COL28A1: variants seen among roughly 807,000 people sequenced by gnomAD.
The protein encoded by COL28A1 is collagen alpha-1(XXVIII) chain.
Under a neutral mutation model 150.2 loss-of-function variants are expected in COL28A1, and 161 were observed. The observed-to-expected ratio is 1.07, with a 90% CI of 0.94 to 1.22. The LOEUF is 1.22. Among genes scored for constraint, COL28A1 ranks in the 50% most tolerant of loss-of-function variants. The probability of loss-of-function intolerance (pLI) is 0.00; values close to 1 mark genes in which losing one functional copy is unlikely to be tolerated. For synonymous variants in COL28A1, 552 were observed against 469.7 expected (o/e 1.18, Z -2.26); for missense variants, 1,617 against 1,388.3 (o/e 1.16, Z -2.62).
chr7:7,480,587 A>T (rs1273195012), intron 13 of COL28A1, among the ~76,000 whole-genome samples: 2 of 151,884 alleles, frequency 1.3e-5, no homozygotes, highest in African/African-American at 4.8e-5. Flanking sequence ...ACACTGACAA[A>T]TTATTTTTTC....
chr7:7,362,592 A>G (rs998959267), intron 33 of COL28A1, among the ~76,000 whole-genome samples: 3 of 117,748 alleles, frequency 2.5e-5, no homozygotes, highest in Non-Finnish European at 5.3e-5. Flanking sequence ...TTAAATTACT[A>G]TCAGGTGACT....
downstream of COL28A1, among the ~76,000 whole-genome samples, chr7:7,355,412 C>G (rs1419290794): frequency 1.3e-5 from 2 of 152,040 alleles, no homozygotes; most frequent in African/African-American, 4.8e-5. Flanking sequence ...GAGTTCAAGA[C>G]CAGCCCGGAC....
chr7:7,444,230 A>G (rs1376604627), intron 19 of COL28A1, among the ~76,000 whole-genome samples, 188 bp downstream of exon 19: 1 of 152,122 alleles, frequency 6.6e-6, no homozygotes, highest in Admixed American at 6.5e-5. Flanking sequence ...GTGAGACACT[A>G]TCTCAGCCTT....
Position 7,370,796 on chromosome 7 carries a change from G to A in COL28A1, c.2995C>T (p.Pro999Ser), listed in dbSNP as rs1423039137. The change falls in exon 33 of 35, where the codon CCT becomes TCT. Residue 999 changes from proline (P) to serine (S), a missense_variant. Pro to Ser is a moderately conservative substitution (Grantham distance 74, BLOSUM62 -1). Coordinates refer to ENST00000399429, the MANE Select transcript of COL28A1 (RefSeq NM_001037763.3). ...VQIFGSSSPQ[P>S]GFGMSGEELS... ...TCTTCCCCTGACATCCCAAATCCAG[G>A]TTGAGGTGACGATGAACCAAAAATT... 2 of 1,613,594 alleles carry A rather than the reference G, an allele frequency of 1.2e-6. No individual in the cohort carries two copies. The highest frequency in any genetic ancestry group is 1.7e-5 in the Admixed American group (1 of 59,992).
At chr7:7,370,302 C>G (rs557998210) in intron 33 of COL28A1, among the ~76,000 whole-genome samples, 1 of 152,122 alleles carries the variant, frequency 6.6e-6, no homozygotes, top group African/African-American at 2.4e-5. Context: ...TGGGCATATG[C>G]GTATTTAGAA....
chr7:7,339,635 C>G, the COL28A1 span, among the ~76,000 whole-genome samples: 1 of 152,078 alleles, frequency 6.6e-6, no homozygotes, highest in Non-Finnish European at 1.5e-5. Context: ...AGATCTCATT[C>G]ATTCATTTTC....
At chr7:7,361,365 G>C (rs1395831075) in intron 33 of COL28A1, among the ~76,000 whole-genome samples, 1 of 152,164 alleles carries the variant, frequency 6.6e-6, no homozygotes, top group Non-Finnish European at 1.5e-5. Context: ...CCAGTAATGG[G>C]ACTGCTGGGT....
intron 8 of COL28A1, chr7:7,511,613 A>AT (rs1051495757): frequency 6.2e-6 from 2 of 320,972 alleles, no homozygotes; most frequent in African/African-American, 4.5e-5. Flanking sequence ...TGGAATTCCT[A>AT]TTTTTTCAAG....
At chr7:7,339,461 G>A in the COL28A1 span, among the ~76,000 whole-genome samples, 7 of 152,024 alleles carry the variant, frequency 4.6e-5, no homozygotes, top group East Asian at 1.4e-3. Flanking sequence ...CTCCTGTTTT[G>A]GCTTTCGTGC....
chr7:7,374,038 A>AAAAAAAAAAAATATAT, intron 31 of COL28A1, among the ~76,000 whole-genome samples: 2 of 113,654 alleles, frequency 1.8e-5, no homozygotes, highest in African/African-American at 7.6e-5. Flanking sequence ...AAAAAAAAAA[A>AAAAAAAAAAAATATAT]ATATATATAT....
At chr7:7,410,874 G>A (rs1783752407) in intron 27 of COL28A1, among the ~76,000 whole-genome samples, 2 of 152,010 alleles carry the variant, frequency 1.3e-5, no homozygotes, top group Admixed American at 1.3e-4. Context: ...ACCCATCTCT[G>A]ACTTTTTTAA....
chr7:7,518,683 T>C (rs1781548949), intron 6 of COL28A1, among the ~76,000 whole-genome samples: 1 of 152,196 alleles, frequency 6.6e-6, no homozygotes, highest in South Asian at 2.1e-4. Context: ...TCACTAGTTA[T>C]TATTGTTTTA....
chr7:7,366,414 C>T (rs1281092957), intron 33 of COL28A1, among the ~76,000 whole-genome samples: 1 of 152,176 alleles, frequency 6.6e-6, no homozygotes, highest in Non-Finnish European at 1.5e-5. Flanking sequence ...GGTTTCCTGA[C>T]TTCCAGGTCT....
downstream of COL28A1, chr7:7,356,378 G>A (rs1250568975): frequency 6.6e-6 from 1 of 152,154 alleles, no homozygotes; most frequent in Non-Finnish European, 1.5e-5. Flanking sequence ...GGATGGCGGA[G>A]GGCCACACGG....
chr7:7,464,474 C>T (rs1445087630), intron 15 of COL28A1, among the ~76,000 whole-genome samples: 1 of 152,124 alleles, frequency 6.6e-6, no homozygotes, highest in African/African-American at 2.4e-5. Flanking sequence ...TTTCAGACCA[C>T]AGTGGAATAA....
In COL28A1 at chr7:7,432,623, C is replaced by T. The variant is rs1365787882; in HGVS notation, c.1929+9G>A. On this transcript the variant is annotated intron_variant, in intron 24 of 34. Transcript: ENST00000399429. ...AAGGAGGGAGGGAAGAAAAAAATGTCCCACTTACAGGCACACCAGGATAGC... is the reference window on the plus strand; with the variant it reads ...AAGGAGGGAGGGAAGAAAAAAATGTTCCACTTACAGGCACACCAGGATAGC... 3.1e-6 allele frequency: 5 copies of T among 1,613,668 alleles called. No individual in the cohort carries two copies. In the African/African-American group the frequency reaches 4.0e-5, roughly 13 times the overall value.
chr7:7,364,148 A>G (rs1473743222), intron 33 of COL28A1, among the ~76,000 whole-genome samples: 2 of 152,162 alleles, frequency 1.3e-5, no homozygotes, highest in Non-Finnish European at 2.9e-5. Context: ...GATGCACAGT[A>G]CCTTCTGACT....
At chr7:7,376,683 A>G (rs1781562679) in intron 30 of COL28A1, among the ~76,000 whole-genome samples, 1 of 151,134 alleles carries the variant, frequency 6.6e-6, no homozygotes, top group Non-Finnish European at 1.5e-5. Context: ...AAGGGGAAAT[A>G]TATGTATTTA....
In COL28A1 at chr7:7,360,546, C is replaced by T. The variant is rs1274807166; in HGVS notation, c.3067-18G>A. On this transcript the variant is annotated intron_variant, in intron 33 of 34. Coordinates refer to ENST00000399429, the MANE Select transcript of COL28A1 (RefSeq NM_001037763.3). ...ACACTCAACTACACAAAAATATTCA[C>T]ATTTTGTGTTTCTGATAATATCAAG... 5.7e-6 allele frequency: 9 copies of T among 1,587,774 alleles called. No homozygotes were observed. The highest frequency in any genetic ancestry group is 7.7e-6 in the Non-Finnish European group (9 of 1,171,822).
Sources: allele counts gnomAD v4.1 joint callset (sites outside exome capture counted in the v4.1 genomes callset), GRCh38; gene constraint gnomAD v4.1.1; transcripts MANE v1.5; gene names NCBI Gene and HGNC (gene_info 2026-07-23, HGNC 2026-07-21).